The following CCDC25 variants were observed in gnomAD, a reference collection of about 807,000 sequenced individuals.
CCDC25 encodes the protein coiled-coil domain containing 25, also known as coiled-coil domain-containing protein 25.
CCDC25 carries 16 observed loss-of-function variants against 35.3 expected under a neutral mutation model. The observed-to-expected ratio is 0.45, with a 90% CI of 0.31 to 0.69. CCDC25 has a LOEUF of 0.69. CCDC25 is among the 30% of genes least tolerant of loss of function. The probability of loss-of-function intolerance (pLI) is 0.06; values close to 1 mark genes in which losing one functional copy is unlikely to be tolerated. For missense variants in CCDC25, 179 were observed against 250.7 expected, an observed-to-expected ratio of 0.71 and a Z score of 1.93; for synonymous variants, 79 against 80.3, an observed-to-expected ratio of 0.98 and a Z score of 0.09.
intron 7 of CCDC25, among the ~76,000 whole-genome samples, chr8:27,745,372 T>C (rs910865097): frequency 1.3e-5 from 2 of 152,230 alleles, no homozygotes; most frequent in African/African-American, 4.8e-5. Context: ...CAACCTCTCA[T>C]CTGTTATTCA....
chr8:27,756,557 A>T, intron 4 of CCDC25, 162 bp downstream of exon 4: 1 of 596,646 alleles, frequency 1.7e-6, no homozygotes. Flanking sequence ...CTAGAATGTT[A>T]GAGTGATTTT....
intron 1 of CCDC25, among the ~76,000 whole-genome samples, chr8:27,767,580 C>T (rs1804442839): frequency 6.6e-6 from 1 of 152,102 alleles, no homozygotes; most frequent in Non-Finnish European, 1.5e-5. Flanking sequence ...TGAGCAATTG[C>T]TCGCGATTAG....
Position 27,772,516 on chromosome 8 carries a change from T to A in CCDC25, c.25A>T (p.Ser9Cys). Reference sequence around the variant, plus strand: ...GGAGGACGTGGCGCCCACTCACCGCTGCTGCTGGTGAAGTAGAACACCATG... The same window carrying A: ...GGAGGACGTGGCGCCCACTCACCGCAGCTGCTGGTGAAGTAGAACACCATG... MVFYFTSS[S>C]VNSSAYTIYM... The change falls in exon 1 of 9, where the codon AGC (serine) becomes TGC (cysteine). Residue 9 changes from serine to cysteine, a missense_variant. By Grantham distance (112) the Ser-to-Cys change is moderately radical. Coordinates refer to ENST00000356537, the MANE Select transcript of CCDC25 (RefSeq NM_018246.3). 1 of 1,549,960 alleles carries A rather than the reference T, an allele frequency of 6.5e-7. No individual in the cohort carries two copies. Among genetic ancestry groups the A allele is most frequent in the Non-Finnish European group, 8.7e-7 (1 of 1,146,624 alleles).
intron 3 of CCDC25, among the ~76,000 whole-genome samples, chr8:27,759,926 C>T (rs1804166548): frequency 6.6e-6 from 1 of 152,068 alleles, no homozygotes; most frequent in East Asian, 1.9e-4. Flanking sequence ...AACAGCTCCA[C>T]AAAGTGAAGC....
chr8:27,772,369 G>A, intron 1 of CCDC25, 144 bp downstream of exon 1: 1 of 760,038 alleles, frequency 1.3e-6, no homozygotes, highest in Non-Finnish European at 2.3e-6. Context: ...GGACGGATGT[G>A]CTGGGGGACC....
At chr8:27,756,535 C>G in intron 4 of CCDC25, 184 bp downstream of exon 4, 1 of 577,004 alleles carries the variant, frequency 1.7e-6, no homozygotes, top group South Asian at 2.1e-5. Flanking sequence ...CCTTCTATAT[C>G]TCAAAAATCA....
In CCDC25 at chr8:27,762,469, A is replaced by C; in HGVS notation, c.77-11T>G. 1 of 1,612,058 alleles carries C rather than the reference A, an allele frequency of 6.2e-7. No individual in the cohort carries two copies. The highest frequency in any genetic ancestry group is 1.1e-5 in the South Asian group (1 of 90,784). Reference sequence around the variant, plus strand: ...TGATCAGATCTTCATCTGCAATGAGATATGAGAAACGAAAGAAACAAAAAC... The same window carrying C: ...TGATCAGATCTTCATCTGCAATGAGCTATGAGAAACGAAAGAAACAAAAAC... On this transcript the variant is annotated splice_polypyrimidine_tract_variant and intron_variant, in intron 2 of 8. Transcript: ENST00000356537.
At chr8:27,738,794 G>C (rs1803341535) in intron 8 of CCDC25, among the ~76,000 whole-genome samples, 1 of 152,158 alleles carries the variant, frequency 6.6e-6, no homozygotes. Flanking sequence ...AATGGCATCT[G>C]AGTTGTGGTA....
chr8:27,747,914 T>C (rs1422420462), intron 7 of CCDC25, 163 bp downstream of exon 7: 3 of 639,836 alleles, frequency 4.7e-6, no homozygotes, highest in East Asian at 5.4e-5. Flanking sequence ...AACACATTAA[T>C]ATAAATGCCT....
rs1435661088 is a variant in CCDC25 at position 27,735,491 on chromosome 8, GC to G, written c.*724del. 1.3e-5 allele frequency: 2 copies of G among 152,196 alleles called. No homozygotes were observed. Among genetic ancestry groups the G allele is most frequent in the South Asian group, 2.1e-4 (1 of 4,830 alleles). 9.4% of individuals were successfully genotyped at this position (152,196 alleles called of 1,614,324 possible). On this transcript the variant is annotated 3_prime_UTR_variant, in exon 9 of 9. Coordinates refer to ENST00000356537, the MANE Select transcript of CCDC25 (RefSeq NM_018246.3). ...CTCAATGCTGAGAAATTACTCCTGGGCCCAGAAGTTGTCACATAGGTGGCTT... is the reference window on the plus strand; with the variant it reads ...CTCAATGCTGAGAAATTACTCCTGGGCCAGAAGTTGTCACATAGGTGGCTT...
chr8:27,754,662 C>T (rs370899395), intron 4 of CCDC25: 2 of 152,066 alleles, frequency 1.3e-5, no homozygotes, highest in Non-Finnish European at 2.9e-5. Flanking sequence ...CAACCAGCTA[C>T]ATTTTCTTTA....
chr8:27,759,647 G>T (rs923959600), intron 3 of CCDC25, among the ~76,000 whole-genome samples: 3 of 148,746 alleles, frequency 2.0e-5, no homozygotes, highest in Non-Finnish European at 4.4e-5. Flanking sequence ...TGGTGTGGTG[G>T]TACATGCCTG....
intron 4 of CCDC25, chr8:27,756,416 T>G: frequency 3.6e-6 from 1 of 278,158 alleles, no homozygotes. Context: ...AGACAGAAAG[T>G]CTGGGAGTGT....
intron 3 of CCDC25, 59 bp from the exon 4 acceptor site, chr8:27,756,829 A>T (rs890906793): frequency 1.7e-6 from 2 of 1,175,606 alleles, no homozygotes; most frequent in Non-Finnish European, 2.6e-6. Context: ...TCCTCAGGCC[A>T]CATGCCATTT....
chr8:27,734,569 TA>T lies in CCDC25; in HGVS notation c.*1646del, dbSNP rs1157902873. On this transcript the variant is annotated 3_prime_UTR_variant, in exon 9 of 9. Coordinates refer to ENST00000356537, the MANE Select transcript of CCDC25 (RefSeq NM_018246.3). ...AAATAAAACAAAGAGGCTGCAGGGT[TA>T]GGGGCATAGGAATCAACACAGAGCT... The T allele has an allele frequency of 3.1e-5, 4 of 130,558 alleles. No individual in the cohort carries two copies. The highest frequency in any genetic ancestry group is 6.7e-5 in the Non-Finnish European group (4 of 59,400). The allele number at this position is 130,558 out of a possible 1,614,324, so 8.1% of individuals were successfully genotyped here.
intron 2 of CCDC25, among the ~76,000 whole-genome samples, 194 bp from the exon 3 acceptor site, chr8:27,762,652 T>C (rs528920857): frequency 2.0e-4 from 30 of 152,250 alleles, no homozygotes; most frequent in East Asian, 1.9e-3. Flanking sequence ...ATATGAACTT[T>C]ATAATTTTTA....
intron 7 of CCDC25, among the ~76,000 whole-genome samples, chr8:27,746,066 A>C (rs1170791638): frequency 6.6e-6 from 1 of 152,248 alleles, no homozygotes; most frequent in African/African-American, 2.4e-5. Flanking sequence ...GTAATTTTTG[A>C]AACTCATAAA....
At position 27,748,058 on chromosome 8, in the gene CCDC25, T is replaced by A. The variant is rs1803663443; in HGVS notation, c.551+19A>T. 6.2e-7 allele frequency: 1 copy of A among 1,608,368 alleles called. No individual in the cohort carries two copies. The highest frequency in any genetic ancestry group is 1.3e-5 in the African/African-American group (1 of 74,676). On this transcript the variant is annotated intron_variant, in intron 7 of 8. Transcript: ENST00000356537. Reference sequence around the variant, plus strand: ...GAATAATCTTTGAGGTCAGTCTCAATGCCACAGCTCCGACATACCTAAGTT... The same window carrying A: ...GAATAATCTTTGAGGTCAGTCTCAAAGCCACAGCTCCGACATACCTAAGTT...
chr8:27,755,572 G>C (rs992511161), intron 4 of CCDC25, among the ~76,000 whole-genome samples: 1 of 152,140 alleles, frequency 6.6e-6, no homozygotes, highest in African/African-American at 2.4e-5. Flanking sequence ...TTAGTGACTT[G>C]CTTCCAAATA....
Sources: gnomAD v4.1 joint callset for allele counts (sites outside exome capture counted in the v4.1 genomes callset) on GRCh38, gnomAD v4.1.1 for gene constraint, MANE v1.5 for transcripts, NCBI Gene and HGNC (gene_info 2026-07-23, HGNC 2026-07-21) for gene names.